ZC3H12B: variants seen among roughly 807,000 people sequenced by gnomAD.
ZC3H12B encodes the protein zinc finger CCCH-type containing 12B.
Under a neutral mutation model 43.9 loss-of-function variants are expected in ZC3H12B, and 7 were observed. The ratio of observed to expected loss-of-function variants is 0.16; its 90% CI spans 0.09 to 0.30. The LOEUF is 0.30. ZC3H12B is among the 10% of genes least tolerant of loss of function. ZC3H12B has a pLI of 1.00. For missense variants in ZC3H12B, 475 were observed against 670.2 expected, an observed-to-expected ratio of 0.71 and a Z score of 3.22; for synonymous variants, 222 against 241.7, an observed-to-expected ratio of 0.92 and a Z score of 0.76.
At chrX:65,279,503 A>T in the ZC3H12B span, among the ~76,000 whole-genome samples, 5 of 111,243 alleles carry the variant, frequency 4.5e-5, no homozygotes, top group Non-Finnish European at 9.4e-5. Flanking sequence ...TTGTTGGGAT[A>T]ACTGGCTAGC....
the ZC3H12B span, among the ~76,000 whole-genome samples, chrX:65,358,756 A>G: frequency 8.9e-6 from 1 of 111,768 alleles, no homozygotes; most frequent in Non-Finnish European, 1.9e-5. Context: ...CGACACCCTA[A>G]CATCACAATT....
chrX:65,081,683 C>G, the ZC3H12B span, among the ~76,000 whole-genome samples: 1 of 111,523 alleles, frequency 9.0e-6, no homozygotes, highest in Non-Finnish European at 1.9e-5. Context: ...ACAATAATAG[C>G]TAGAGACTTC....
chrX:65,086,448 C>T, the ZC3H12B span, among the ~76,000 whole-genome samples: 2 of 111,277 alleles, frequency 1.8e-5, no homozygotes, highest in Non-Finnish European at 3.8e-5. Flanking sequence ...CCTCTCCACA[C>T]AGTTACCATT....
upstream of ZC3H12B, among the ~76,000 whole-genome samples, chrX:65,485,938 C>T (rs2068118811): frequency 8.9e-6 from 1 of 111,817 alleles, no homozygotes; most frequent in Admixed American, 9.5e-5. Flanking sequence ...TGAGATCAGT[C>T]CTCATCTTAT....
the ZC3H12B span, among the ~76,000 whole-genome samples, chrX:65,191,654 A>G: frequency 4.6e-3 from 29 of 6,328 alleles, no homozygotes; most frequent in Non-Finnish European, 6.3e-3. Flanking sequence ...TATCCCCTTT[A>G]TAATTTTTTT....
the ZC3H12B span, among the ~76,000 whole-genome samples, chrX:65,332,997 A>T: frequency 9.0e-6 from 1 of 111,544 alleles, no homozygotes; most frequent in Non-Finnish European, 1.9e-5. Context: ...TTCCATAAGG[A>T]ATCTCAGATA....
chrX:65,211,384 G>A, the ZC3H12B span, among the ~76,000 whole-genome samples: 3 of 108,655 alleles, frequency 2.8e-5, no homozygotes, highest in Non-Finnish European at 5.7e-5. Flanking sequence ...AAACCAAAGA[G>A]TTCCTTGGTA....
At chrX:65,438,596 A>T (rs1348808601) in intron 3 of ZC3H12B, among the ~76,000 whole-genome samples, 1 of 112,775 alleles carries the variant, frequency 8.9e-6, no homozygotes, top group East Asian at 2.8e-4. Flanking sequence ...AGATTTACCC[A>T]CATATTTATT....
chrX:65,064,007 C>T, the ZC3H12B span, among the ~76,000 whole-genome samples: 1 of 111,703 alleles, frequency 9.0e-6, no homozygotes, highest in East Asian at 2.8e-4. Flanking sequence ...GGTGATATCC[C>T]TTTTATCATT....
At chrX:65,410,739 C>A (rs181879029) in intron 3 of ZC3H12B, among the ~76,000 whole-genome samples, 2 of 111,951 alleles carry the variant, frequency 1.8e-5, no homozygotes, top group East Asian at 5.6e-4. Flanking sequence ...TAGAAAAATG[C>A]AAATCAAAGT....
the ZC3H12B span, among the ~76,000 whole-genome samples, chrX:65,081,884 C>T: frequency 9.0e-6 from 1 of 111,508 alleles, no homozygotes; most frequent in African/African-American, 3.3e-5. Flanking sequence ...AGTTAGGTCA[C>T]AAAACAAGTC....
the ZC3H12B span, among the ~76,000 whole-genome samples, chrX:65,348,083 TGGGGTGGGG>T: frequency 3.0e-5 from 3 of 100,565 alleles, no homozygotes; most frequent in Admixed American, 2.2e-4. Context: ...GGGCCTGTGG[TGGGGTGGGG>T]GGAGTGGGGG....
the ZC3H12B span, among the ~76,000 whole-genome samples, chrX:65,156,656 C>T: frequency 9.0e-6 from 1 of 111,277 alleles, no homozygotes. Context: ...GCTGGGATTA[C>T]AGGCATGAGC....
chrX:65,185,898 C>G, the ZC3H12B span: 42 of 111,562 alleles, frequency 3.8e-4, no homozygotes, highest in African/African-American at 1.4e-3. Flanking sequence ...AAGATGCCAA[C>G]AGAGCAATGA....
chrX:65,278,078 T>A, the ZC3H12B span, among the ~76,000 whole-genome samples: 1 of 111,740 alleles, frequency 8.9e-6, no homozygotes, highest in African/African-American at 3.2e-5. Flanking sequence ...CATTGTGTTA[T>A]CAACATTGTG....
chrX:65,097,117 A>T, the ZC3H12B span, among the ~76,000 whole-genome samples: 1 of 112,144 alleles, frequency 8.9e-6, no homozygotes, highest in Non-Finnish European at 1.9e-5. Flanking sequence ...TTGTTCCTAG[A>T]TACATTTCTC....
chrX:65,118,197 T>G, the ZC3H12B span, among the ~76,000 whole-genome samples: 3 of 112,015 alleles, frequency 2.7e-5, no homozygotes, highest in Non-Finnish European at 5.6e-5. Flanking sequence ...AACAGGAGCA[T>G]GGAATGTTCT....
chrX:65,484,670 A>C (rs1276744370), upstream of ZC3H12B, among the ~76,000 whole-genome samples: 2 of 112,448 alleles, frequency 1.8e-5, no homozygotes, highest in South Asian at 7.3e-4. Flanking sequence ...AGAACTTACT[A>C]TTTTGTTCTT....
the ZC3H12B span, among the ~76,000 whole-genome samples, chrX:65,288,260 A>C: frequency 1.8e-5 from 2 of 111,150 alleles, no homozygotes; most frequent in African/African-American, 6.5e-5. Flanking sequence ...TCCTGAAGCT[A>C]TTTCAAAAAA....
Sources: gnomAD v4.1 joint callset for allele counts (sites outside exome capture counted in the v4.1 genomes callset) on GRCh38, gnomAD v4.1.1 for gene constraint, MANE v1.5 for transcripts, NCBI Gene and HGNC (gene_info 2026-07-23, HGNC 2026-07-21) for gene names.